The following SCD variants were observed in gnomAD, a reference collection of about 807,000 sequenced individuals.
SCD encodes the protein stearoyl-CoA desaturase.
SCD carries 4 observed loss-of-function variants against 35.7 expected under a neutral mutation model. The observed-to-expected ratio is 0.11, with a 90% CI of 0.06 to 0.26. The LOEUF (loss-of-function observed/expected upper bound fraction) is 0.26. Ranked by LOEUF, SCD falls within the 10% of genes least tolerant of loss-of-function variation. SCD has a pLI of 1.00. For missense variants in SCD, 282 were observed against 460.7 expected, an observed-to-expected ratio of 0.61 and a Z score of 3.55; for synonymous variants, 150 against 170.2, an observed-to-expected ratio of 0.88 and a Z score of 0.92.
At chr10:100,353,582 CAAA>C (rs35108206) in intron 3 of SCD, among the ~76,000 whole-genome samples, 13 of 106,424 alleles carry the variant, frequency 1.2e-4, no homozygotes, top group Admixed American at 1.0e-4. Context: ...GACTCCATCT[CAAA>C]AAAAAAAAAA....
chr10:100,349,019 T>A (rs1849842174), intron 2 of SCD, among the ~76,000 whole-genome samples: 1 of 152,182 alleles, frequency 6.6e-6, no homozygotes, highest in African/African-American at 2.4e-5. Context: ...GAAATCAGGC[T>A]GAAGATATGT....
chr10:100,360,923 A>G lies in SCD; in HGVS notation c.1070A>G (p.Lys357Arg). The G allele has an allele frequency of 6.2e-7, 1 of 1,613,942 alleles. No individual in the cohort carries two copies. Among genetic ancestry groups the G allele is most frequent in the East Asian group, 2.2e-5 (1 of 44,890 alleles). Reference protein sequence around the residue: ...RIKRTGDGNYKSG With the variant: ...RIKRTGDGNYRSG ...AAAAGAACCGGAGATGGAAACTACAAGAGTGGCTGAGTTTGGGGTCCCTCA... is the reference window on the plus strand; with the variant it reads ...AAAAGAACCGGAGATGGAAACTACAGGAGTGGCTGAGTTTGGGGTCCCTCA... Residue 357 changes from lysine to arginine, a missense_variant, in exon 6 of 6, where the codon AAG (lysine) becomes AGG (arginine). Physicochemically the swap from Lys to Arg is conservative, Grantham distance 26 (BLOSUM62 2). Around this residue, in one of 2 missense-constraint regions of SCD, gnomAD observed 205 missense variants for 372.3 expected, o/e 0.55. Coordinates refer to ENST00000370355, the MANE Select transcript of SCD (RefSeq NM_005063.5).
At position 100,356,228 on chromosome 10, in the gene SCD, C is replaced by T. The variant is rs1289633869; in HGVS notation, c.648-304C>T. 6.6e-6 allele frequency among the ~76,000 whole-genome samples: 1 copy of T among 151,910 alleles called. No individual in the cohort carries two copies. Among genetic ancestry groups the T allele is most frequent in the East Asian group, 1.9e-4 (1 of 5,172 alleles). On this transcript the variant is annotated intron_variant, in intron 4 of 5. Coordinates refer to ENST00000370355, the MANE Select transcript of SCD (RefSeq NM_005063.5). The surrounding 1 kb of genome is among the most constrained non-coding windows in gnomAD (Gnocchi z 4.1). ...CCTCATCTCTACAAAAAATTAAAAA[C>T]TAAATGGGCACGATGGTTCATGCCT...
chr10:100,354,379 T>C (rs757503155), intron 3 of SCD, 48 bp from the exon 4 acceptor site: 2 of 1,517,676 alleles, frequency 1.3e-6, no homozygotes, highest in East Asian at 2.3e-5. Flanking sequence ...ATTCTCCTAA[T>C]AGGGTGTCTA....
intron 5 of SCD, among the ~76,000 whole-genome samples, chr10:100,358,540 C>T (rs1472987932): frequency 1.4e-5 from 2 of 141,050 alleles, no homozygotes; most frequent in African/African-American, 5.3e-5. Flanking sequence ...TGCAGTGAGC[C>T]GAGATTCCGC....
rs1464471400 is a variant in SCD, at chr10:100,356,673, G to A, written c.789G>A (p.Leu263=). ...RYAVVLNATW[L]VNSAAHLFGY... ...CTGTGGTGCTTAATGCCACCTGGCT[G>A]GTGAACAGTGCTGCCCACCTCTTCG... The change falls in exon 5 of 6, where the codon CTG becomes CTA. Residue 263 remains leucine, a synonymous_variant. Coordinates refer to ENST00000370355, the MANE Select transcript of SCD (RefSeq NM_005063.5). This position sits in a 1 kb window ranked among gnomAD's most constrained non-coding sequence, Gnocchi z 4.1. 34 of 1,614,250 alleles carry A rather than the reference G, an allele frequency of 2.1e-5. No homozygotes were observed. Among genetic ancestry groups the A allele is most frequent in the Non-Finnish European group, 2.9e-5 (34 of 1,180,046 alleles).
At chr10:100,350,249 G>C (rs1442644748) in intron 2 of SCD, among the ~76,000 whole-genome samples, 1 of 151,544 alleles carries the variant, frequency 6.6e-6, no homozygotes, top group Non-Finnish European at 1.5e-5. Flanking sequence ...AAACAAGGAG[G>C]GTGAGGGGAG....
At chr10:100,347,946 C>CG (rs1225518898) in intron 1 of SCD, 118 bp from the exon 2 acceptor site, 124 of 1,012,404 alleles carry the variant, frequency 1.2e-4, no homozygotes, top group Non-Finnish European at 1.7e-4. Flanking sequence ...CAGTGAACTA[C>CG]GGCGCTGCGG....
At chr10:100,355,714 T>A (rs1375094302) in intron 4 of SCD, among the ~76,000 whole-genome samples, 1 of 152,110 alleles carries the variant, frequency 6.6e-6, no homozygotes, top group Admixed American at 6.5e-5. Context: ...GTGCAGGGAA[T>A]GTCAGTGATG....
chr10:100,347,678 A>G, intron 1 of SCD, 147 bp downstream of exon 1: 2 of 868,424 alleles, frequency 2.3e-6, no homozygotes, highest in Non-Finnish European at 3.5e-6. Flanking sequence ...TGAGTTGGGA[A>G]TGTGGATTGT....
At position 100,352,891 on chromosome 10, in the gene SCD, G is replaced by A. The variant is rs1452139735; in HGVS notation, c.441+395G>A. ...AAGGTAAATATCTTAGGGAGGCAGA[G>A]CTGGGAGGATCACTGGAGCCCAGGA... On this transcript the variant is annotated intron_variant, in intron 3 of 5. Transcript: ENST00000370355. This position sits in a 1 kb window ranked among gnomAD's most constrained non-coding sequence, Gnocchi z 4.2. Among the ~76,000 whole-genome samples the A allele has an allele frequency of 1.3e-5, 2 of 152,136 alleles. No homozygotes were observed. Among genetic ancestry groups the A allele is most frequent in the Non-Finnish European group, 2.9e-5 (2 of 68,028 alleles).
Position 100,348,240 on chromosome 10 carries a change from G to A in SCD, c.204G>A (p.Lys68=), listed in dbSNP as rs61733935. Residue 68 remains lysine, a synonymous_variant, in exon 2 of 6, where the codon AAG becomes AAA. Transcript: ENST00000370355. ...TYKDKEGPSP[K]VEYVWRNIIL... ...AGGATAAGGAAGGCCCAAGCCCCAA[G>A]GTTGAATATGTCTGGAGAAACATCA... 735 of 1,614,144 alleles carry A rather than the reference G, an allele frequency of 4.6e-4. 1 individual carries two copies. The African/African-American group carries it at 9.0e-3, about 20-fold the overall frequency.
rs140338666 is a variant in SCD at position 100,356,745 on chromosome 10, G to A, written c.861G>A (p.Leu287=). The A allele has an allele frequency of 3.1e-4, 502 of 1,614,128 alleles. 4 individuals are homozygous for A. In the South Asian group the frequency reaches 3.8e-3, roughly 12 times the overall value. ...DKNISPRENI[L]VSLGAVGEGF... ...ACATTAGCCCCCGGGAGAATATCCTGGTTTCACTTGGAGCTGTGGGTAAGT... is the reference window on the plus strand; with the variant it reads ...ACATTAGCCCCCGGGAGAATATCCTAGTTTCACTTGGAGCTGTGGGTAAGT... The change falls in exon 5 of 6, where the codon CTG becomes CTA. Residue 287 remains leucine, a synonymous_variant. Transcript: ENST00000370355. The surrounding 1 kb of genome is among the most constrained non-coding windows in gnomAD (Gnocchi z 4.1).
At position 100,364,188 on chromosome 10, in the gene SCD, A is replaced by G. The variant is rs765121485; in HGVS notation, c.*3255A>G. On this transcript the variant is annotated 3_prime_UTR_variant, in exon 6 of 6. Transcript: ENST00000370355. The stretch of plus-strand genomic sequence containing the variant: ...TGGAAAATTTTCTCCTTGGTTTGCT[A>G]GTATCTTGGGTGTATTCTCTGTAAG... 2 of 149,040 alleles carry G rather than the reference A, an allele frequency of 1.3e-5. No homozygotes were observed. The highest frequency in any genetic ancestry group is 3.0e-5 in the Non-Finnish European group (2 of 67,594). 9.2% of individuals were successfully genotyped at this position (149,040 alleles called of 1,614,324 possible).
In SCD at chr10:100,352,186, G is replaced by C. The variant is rs1387039142; in HGVS notation, c.311-180G>C. On this transcript the variant is annotated intron_variant, in intron 2 of 5. Coordinates refer to ENST00000370355, the MANE Select transcript of SCD (RefSeq NM_005063.5). This position sits in a 1 kb window ranked among gnomAD's most constrained non-coding sequence, Gnocchi z 4.2. The stretch of plus-strand genomic sequence containing the variant: ...TTTTCCTGGGTTGAGAGGTTGGGGG[G>C]TGATATTTTTCAAGTGGTAAAATCT... Among the ~76,000 whole-genome samples, 1 of 152,056 alleles carries C rather than the reference G, an allele frequency of 6.6e-6. No homozygotes were observed. Among genetic ancestry groups the C allele is most frequent in the Non-Finnish European group, 1.5e-5 (1 of 68,020 alleles).
intron 1 of SCD, 67 bp downstream of exon 1, chr10:100,347,598 T>G (rs1589696954): frequency 6.3e-7 from 1 of 1,591,148 alleles, no homozygotes; most frequent in Non-Finnish European, 8.6e-7. Context: ...AGGGGACGGG[T>G]TGGTGGCAGA....
At chr10:100,350,606 T>A (rs1212994493) in intron 2 of SCD, among the ~76,000 whole-genome samples, 3 of 152,162 alleles carry the variant, frequency 2.0e-5, no homozygotes, top group Admixed American at 2.0e-4. Context: ...TTTAAGCCCT[T>A]CTATTTGATA....
chr10:100,351,807 A>C (rs1479238373), intron 2 of SCD, among the ~76,000 whole-genome samples: 1 of 152,146 alleles, frequency 6.6e-6, no homozygotes, highest in Non-Finnish European at 1.5e-5. Flanking sequence ...TGCCAAGCTA[A>C]TTTTTAAAAT....
intron 3 of SCD, 61 bp from the exon 4 acceptor site, chr10:100,354,366 G>GGATTCTCCTAATGGATACCTATTA: frequency 1.4e-6 from 2 of 1,442,872 alleles, no homozygotes; most frequent in Admixed American, 3.4e-5. Context: ...CCTGTCCATT[G>GGATTCTCCTAATGGATACCTATTA]GGATTCTCCT....
Sources: gnomAD v4.1 joint callset for allele counts (sites outside exome capture counted in the v4.1 genomes callset) on GRCh38, gnomAD v4.1.1 for gene constraint, gnomAD v4.1.1 regional missense constraint, Gnocchi (gnomAD v3.1) non-coding constraint, MANE v1.5 for transcripts, NCBI Gene and HGNC (gene_info 2026-07-23, HGNC 2026-07-21) for gene names.